Variants in TCF20 observed in about 807,000 individuals in gnomAD.
The protein encoded by TCF20 is SPRE-binding protein.
A neutral mutation model predicts 148.6 loss-of-function variants in TCF20; 3 were observed. The observed-to-expected ratio is 0.02, with a 90% CI of 0.01 to 0.05. The LOEUF is 0.05. TCF20 is among the 10% of genes least tolerant of loss of function. The pLI is 1.00. For missense variants in TCF20, 2,350 were observed against 2,429.3 expected (o/e 0.97, Z 0.69); for synonymous variants, 1,049 against 909.5 (o/e 1.15, Z -2.76).
Position 42,243,292 on chromosome 22 carries a change from C to CAAAAAAAAAAAAA in TCF20, c.-37+27034_-37+27046dup, listed in dbSNP as rs3045578. ...TGGCTGGCAGAGCAAGACACTGTCT[C>CAAAAAAAAAAAAA]AAAAAAAAAAAAAAAAAAAAAAAAA... On this transcript the variant is annotated intron_variant, in intron 1 of 5. Transcript: ENST00000677622. Among the ~76,000 whole-genome samples, 46 of 39,504 alleles carry CAAAAAAAAAAAAA rather than the reference C, an allele frequency of 1.2e-3. 10 individuals are homozygous for CAAAAAAAAAAAAA. The highest frequency in any genetic ancestry group is 3.1e-3 in the Admixed American group (7 of 2,230). 25.9% of individuals were successfully genotyped at this position (39,504 alleles called of 152,430 possible).
chr22:42,214,280 G>A lies in TCF20; in HGVS notation c.1026C>T (p.Ser342=). The change falls in exon 2 of 6, where the codon AGC becomes AGT. Residue 342 remains serine, a synonymous_variant. Coordinates refer to ENST00000677622, the MANE Select transcript of TCF20 (RefSeq NM_001378418.1). Reference sequence around the variant, plus strand: ...CAGGCTGGTTGTACTGCCCCACTTGGCTTTGCAGGGGCAGCTTGGTGGCAG... The same window carrying A: ...CAGGCTGGTTGTACTGCCCCACTTGACTTTGCAGGGGCAGCTTGGTGGCAG... ...TNAATKLPLQ[S]QVGQYNQPEV... The A allele has an allele frequency of 6.2e-7, 1 of 1,614,230 alleles. No individual in the cohort carries two copies. The highest frequency in any genetic ancestry group is 8.5e-7 in the Non-Finnish European group (1 of 1,180,042).
intron 1 of TCF20, chr22:42,278,365 A>C (rs1318057513): frequency 6.6e-6 from 1 of 152,214 alleles, no homozygotes; most frequent in Non-Finnish European, 1.5e-5. Context: ...TCAAGAAAAA[A>C]CTGAGACTAG....
chr22:42,242,218 A>AAAAAAAAAAAAAAAAAAC (rs1555942526), intron 1 of TCF20, among the ~76,000 whole-genome samples: 2 of 142,584 alleles, frequency 1.4e-5, no homozygotes, highest in Admixed American at 7.0e-5. Flanking sequence ...AAAAAAAAAA[A>AAAAAAAAAAAAAAAAAAC]AAAAAAAAAC....
At position 42,210,507 on chromosome 22, in the gene TCF20, T is replaced by C. The variant is rs747374941; in HGVS notation, c.4799A>G (p.Gln1600Arg). 2 of 1,614,046 alleles carry C rather than the reference T, an allele frequency of 1.2e-6. No homozygotes were observed. The highest frequency in any genetic ancestry group is 2.7e-5 in the African/African-American group (2 of 74,914). Reference sequence around the variant, plus strand: ...TTGGGGTTCCACAATGGGAACTGCTTGTTTGGTTTTTCGCTTCCTCGGCTG... The same window carrying C: ...TTGGGGTTCCACAATGGGAACTGCTCGTTTGGTTTTTCGCTTCCTCGGCTG... Reference protein sequence around the residue: ...GAQPRKRKTKQAVPIVEPQEP... With the variant: ...GAQPRKRKTKRAVPIVEPQEP... Residue 1600 changes from glutamine (Q) to arginine (R), a missense_variant, in exon 2 of 6, where the codon CAA becomes CGA. Coordinates refer to ENST00000677622, the MANE Select transcript of TCF20 (RefSeq NM_001378418.1). The surrounding 1 kb of genome is among the most constrained non-coding windows in gnomAD (Gnocchi z 4.7).
upstream of TCF20, among the ~76,000 whole-genome samples, chr22:42,288,487 G>A (rs76593706): frequency 2.3e-3 from 324 of 140,342 alleles, no homozygotes; most frequent in African/African-American, 8.3e-3. Flanking sequence ...AGTGAGCTGA[G>A]ATCATGCTAC....
upstream of TCF20, among the ~76,000 whole-genome samples, chr22:42,284,645 G>A (rs1159877010): frequency 6.6e-6 from 1 of 152,212 alleles, no homozygotes; most frequent in Non-Finnish European, 1.5e-5. Flanking sequence ...GGTGGGCTTG[G>A]AAAGGGCAGG....
At chr22:42,251,243 A>G (rs1481604808) in intron 1 of TCF20, among the ~76,000 whole-genome samples, 1 of 152,148 alleles carries the variant, frequency 6.6e-6, no homozygotes, top group African/African-American at 2.4e-5. Context: ...TGTTGCCCAG[A>G]CAGCGCCATC....
intron 1 of TCF20, among the ~76,000 whole-genome samples, chr22:42,282,244 G>C (rs960051930): frequency 6.6e-6 from 1 of 152,202 alleles, no homozygotes; most frequent in Non-Finnish European, 1.5e-5. Context: ...CCTGAGCTAC[G>C]GCCTGGCCCT....
chr22:42,214,879 G>A lies in TCF20; in HGVS notation c.427C>T (p.His143Tyr). ...TGTGACACACCGCCAAGGCCAGAGTGCTGTGCTTGAAACTGGCCCACATGA... is the reference window on the plus strand; with the variant it reads ...TGTGACACACCGCCAAGGCCAGAGTACTGTGCTTGAAACTGGCCCACATGA... ...EGHVGQFQAQ[H>Y]SGLGGVSHYQ... Residue 143 changes from histidine to tyrosine, a missense_variant, in exon 2 of 6, where the codon CAC becomes TAC. His to Tyr is a moderately conservative substitution (Grantham distance 83, BLOSUM62 2). Coordinates refer to ENST00000677622, the MANE Select transcript of TCF20 (RefSeq NM_001378418.1). 6.2e-7 allele frequency: 1 copy of A among 1,614,208 alleles called. No individual in the cohort carries two copies. The highest frequency in any genetic ancestry group is 8.5e-7 in the Non-Finnish European group (1 of 1,180,044).
intron 1 of TCF20, among the ~76,000 whole-genome samples, chr22:42,329,805 C>A (rs1054501381): frequency 3.9e-5 from 6 of 152,064 alleles, no homozygotes; most frequent in African/African-American, 1.4e-4. Flanking sequence ...CCCACCGAGT[C>A]CCCTTCCTCC....
chr22:42,170,405 G>T (rs529404773), intron 3 of TCF20, among the ~76,000 whole-genome samples: 1 of 151,734 alleles, frequency 6.6e-6, no homozygotes, highest in Non-Finnish European at 1.5e-5. Context: ...CTACTTGGGA[G>T]GCTGAGGTGA....
chr22:42,337,755 G>A (rs1928090987), intron 1 of TCF20, among the ~76,000 whole-genome samples: 1 of 152,182 alleles, frequency 6.6e-6, no homozygotes, highest in African/African-American at 2.4e-5. Context: ...GGATCCAGAG[G>A]CCCAAATTAA....
intron 1 of TCF20, among the ~76,000 whole-genome samples, chr22:42,322,313 G>A (rs1169194018): frequency 2.0e-5 from 3 of 151,856 alleles, no homozygotes; most frequent in South Asian, 2.1e-4. Context: ...CCTGGGGAGT[G>A]AGCCCAGCAT....
chr22:42,189,359 G>A (rs1453177763), intron 2 of TCF20, among the ~76,000 whole-genome samples: 2 of 152,180 alleles, frequency 1.3e-5, no homozygotes, highest in Non-Finnish European at 2.9e-5. Flanking sequence ...CTGATGAGGT[G>A]AGCACACACG....
At chr22:42,184,556 A>G (rs767616696) in intron 2 of TCF20, among the ~76,000 whole-genome samples, 5 of 152,150 alleles carry the variant, frequency 3.3e-5, no homozygotes, top group Non-Finnish European at 7.4e-5. Context: ...TATGCTACAA[A>G]TAATATATTA....
chr22:42,207,251 C>A (rs1219541257), intron 2 of TCF20, among the ~76,000 whole-genome samples: 2 of 152,168 alleles, frequency 1.3e-5, no homozygotes, highest in Non-Finnish European at 2.9e-5. Context: ...CATATCCCCA[C>A]CCACACAACC....
intron 1 of TCF20, among the ~76,000 whole-genome samples, chr22:42,330,357 C>T (rs970516141): frequency 1.3e-5 from 2 of 152,168 alleles, no homozygotes; most frequent in South Asian, 2.1e-4. Context: ...CCCCGGGTGC[C>T]CAACATCCCT....
At chr22:42,264,912 A>C (rs1926203087) in intron 1 of TCF20, among the ~76,000 whole-genome samples, 1 of 152,234 alleles carries the variant, frequency 6.6e-6, no homozygotes. Flanking sequence ...CAAAAGTGGA[A>C]ACCATCTTCC....
rs1004664474 is a variant in TCF20, at chr22:42,213,620, T to C, written c.1686A>G (p.Gln562=). The change falls in exon 2 of 6, where the codon CAA becomes CAG. Residue 562 remains glutamine (Q), a synonymous_variant. Coordinates refer to ENST00000677622, the MANE Select transcript of TCF20 (RefSeq NM_001378418.1). ...GTCTGGGGGGTTCATTCTGAGCACC[T>C]TGTGCCGGTGAGGAGCCAGCTTTCT... is the stretch of plus-strand genomic sequence containing the variant. ...ASEKAGSSPA[Q]GAQNEPPRLN... The C allele has an allele frequency of 3.7e-6, 6 of 1,614,036 alleles. No homozygotes were observed. Among genetic ancestry groups the C allele is most frequent in the East Asian group, 2.2e-5 (1 of 44,884 alleles).
Sources: allele counts gnomAD v4.1 joint callset (sites outside exome capture counted in the v4.1 genomes callset), GRCh38; gene constraint gnomAD v4.1.1; non-coding constraint Gnocchi (gnomAD v3.1); transcripts MANE v1.5; gene names NCBI Gene and HGNC (gene_info 2026-07-23, HGNC 2026-07-21).